YARS1: variants seen among roughly 807,000 people sequenced by gnomAD.
YARS1 encodes tyrosine--tRNA ligase, cytoplasmic.
In YARS1, 36 loss-of-function variants were observed where a neutral mutation model predicts 62.2. The observed-to-expected ratio is 0.58, with a 90% CI of 0.44 to 0.76. The LOEUF (loss-of-function observed/expected upper bound fraction) is 0.76, where lower values mean the gene tolerates loss of function less well. YARS1 is among the 30% of genes least tolerant of loss of function. The pLI is 0.00. For missense variants in YARS1, 524 were observed against 639.8 expected, an observed-to-expected ratio of 0.82 and a Z score of 1.95; for synonymous variants, 234 against 244.9, an observed-to-expected ratio of 0.96 and a Z score of 0.42.
In YARS1 at chr1:32,797,662, C is replaced by T; in HGVS notation, c.591+101G>A. 3 of 1,020,818 alleles carry T rather than the reference C, an allele frequency of 2.9e-6. No homozygotes were observed. The South Asian group carries it at 3.8e-5, about 13-fold the overall frequency. The allele number at this position is 1,020,818 out of a possible 1,614,324, so 63.2% of individuals were successfully genotyped here. On this transcript the variant is annotated intron_variant, in intron 5 of 12. Coordinates refer to ENST00000373477, the MANE Select transcript of YARS1 (RefSeq NM_003680.4). Reference sequence around the variant, plus strand: ...ATCTGCAAAACAAGGAGAATATTTACCATACACTATGACTAGTGGGACTGA... The same window carrying T: ...ATCTGCAAAACAAGGAGAATATTTATCATACACTATGACTAGTGGGACTGA...
intron 1 of YARS1, chr1:32,811,324 A>C: frequency 4.0e-6 from 2 of 502,418 alleles, no homozygotes; most frequent in Non-Finnish European, 3.6e-6. Context: ...CCCCTTCCTC[A>C]AGGACTTAAC....
At chr1:32,787,222 TG>T in intron 6 of YARS1, 147 bp from the exon 7 acceptor site, 2 of 935,746 alleles carry the variant, frequency 2.1e-6, no homozygotes, top group Non-Finnish European at 3.2e-6. Flanking sequence ...CTCAGCCTCC[TG>T]GGCTCAAGAG....
Position 32,775,987 on chromosome 1 carries a change from A to G in YARS1, c.1581T>C (p.Ile527=). 1 of 1,613,622 alleles carries G rather than the reference A, an allele frequency of 6.2e-7. No individual in the cohort carries two copies. The highest frequency in any genetic ancestry group is 1.3e-5 in the African/African-American group (1 of 75,030). The part of the protein sequence containing the change: ...ISCKSLKGGN[I]S ...GGGGAAGATGCTGGGCTGGCTAGCT[A>G]ATGTTCCCCCCTTTCAGCGATTTAC... Residue 527 remains isoleucine (I), a synonymous_variant, in exon 13 of 13, where the codon ATT becomes ATC. Transcript: ENST00000373477.
chr1:32,776,215 T>C lies in YARS1; in HGVS notation c.1477-124A>G. On this transcript the variant is annotated intron_variant, in intron 12 of 12. Transcript: ENST00000373477. This position sits in a 1 kb window ranked among gnomAD's most constrained non-coding sequence, Gnocchi z 4.0. Reference sequence around the variant, plus strand: ...CAGGCTGGAGTGCAATGGCGTGATCTTGGCTCACCGCAACCTCTGCCTCCC... The same window carrying C: ...CAGGCTGGAGTGCAATGGCGTGATCCTGGCTCACCGCAACCTCTGCCTCCC... The C allele has an allele frequency of 1.2e-6, 1 of 814,920 alleles. No individual in the cohort carries two copies. Among genetic ancestry groups the C allele is most frequent in the South Asian group, 1.5e-5 (1 of 68,940 alleles). 50.5% of individuals were successfully genotyped at this position (814,920 alleles called of 1,614,324 possible). A position where few individuals can be genotyped will look rare whatever the true frequency, so the allele number is the denominator to read the frequency against.
chr1:32,785,534 G>T (rs755324650), intron 8 of YARS1, among the ~76,000 whole-genome samples: 11 of 151,614 alleles, frequency 7.3e-5, no homozygotes, highest in Non-Finnish European at 1.6e-4. Context: ...AAGATGGAGA[G>T]GTCTGGCAGA....
chr1:32,791,439 T>G (rs956286808), intron 5 of YARS1, among the ~76,000 whole-genome samples, 185 bp from the exon 6 acceptor site: 1 of 152,182 alleles, frequency 6.6e-6, no homozygotes, highest in African/African-American at 2.4e-5. Context: ...TGCTTTTCTA[T>G]CAGTATTACA....
At chr1:32,791,308 G>A in intron 5 of YARS1, 54 bp from the exon 6 acceptor site, 1 of 1,444,134 alleles carries the variant, frequency 6.9e-7, no homozygotes, top group Non-Finnish European at 9.8e-7. Flanking sequence ...TTCCTCCTCA[G>A]TGCCCTGATC....
At chr1:32,788,819 A>G (rs1263449031) in intron 6 of YARS1, among the ~76,000 whole-genome samples, 1 of 152,104 alleles carries the variant, frequency 6.6e-6, no homozygotes, top group African/African-American at 2.4e-5. Flanking sequence ...CTCCTGCCTC[A>G]GCTTCCCAAA....
chr1:32,810,544 G>C, intron 3 of YARS1, 47 bp downstream of exon 3: 1 of 1,610,560 alleles, frequency 6.2e-7, no homozygotes, highest in Non-Finnish European at 8.5e-7. Context: ...CCTGTAATTA[G>C]CTAGAAGCAC....
intron 1 of YARS1, 103 bp from the exon 2 acceptor site, chr1:32,811,160 G>T: frequency 6.4e-7 from 1 of 1,559,006 alleles, no homozygotes; most frequent in Admixed American, 1.7e-5. Flanking sequence ...GGAGATCCAG[G>T]CTCAGAGCCA....
chr1:32,779,909 C>T (rs1415855230), intron 11 of YARS1, 176 bp downstream of exon 11: 2 of 728,608 alleles, frequency 2.7e-6, no homozygotes, highest in African/African-American at 1.7e-5. Context: ...AGGTAAAATG[C>T]TTCATTAACA....
rs762551221 is a variant in YARS1 at position 32,806,578 on chromosome 1, G to A, written c.414C>T (p.Ser138=). 43 of 1,614,140 alleles carry A rather than the reference G, an allele frequency of 2.7e-5. No homozygotes were observed. Among genetic ancestry groups the A allele is most frequent in the Middle Eastern group, 1.7e-4 (1 of 6,054 alleles). ...EYTLDVYRLS[S]VVTQHDSKKA... ...TCTTGGAATCGTGCTGTGTGACCAC[G>A]GAGGAGAGTCTGTACACATCTAGTG... is the stretch of plus-strand genomic sequence containing the variant. Residue 138 remains serine (S), a synonymous_variant, in exon 4 of 13, where the codon TCC becomes TCT. Transcript: ENST00000373477.
intron 3 of YARS1, among the ~76,000 whole-genome samples, chr1:32,810,164 T>G (rs976958308): frequency 6.6e-6 from 1 of 151,282 alleles, no homozygotes; most frequent in African/African-American, 2.4e-5. Context: ...ATGCTAACAT[T>G]CCAAATATGA....
At chr1:32,784,765 T>G (rs189506532) in intron 8 of YARS1, among the ~76,000 whole-genome samples, 66 of 152,272 alleles carry the variant, frequency 4.3e-4, no homozygotes, top group Middle Eastern at 3.4e-3. Context: ...AAAACACATA[T>G]AGATATATAT....
At chr1:32,786,294 T>C (rs765174623) in intron 8 of YARS1, 68 bp downstream of exon 8, 68 of 1,502,052 alleles carry the variant, frequency 4.5e-5, no homozygotes, top group Non-Finnish European at 5.7e-5. Context: ...CTAAACAAGT[T>C]CTAACAGTCA....
At chr1:32,812,015 G>A (rs1638596249) in intron 1 of YARS1, among the ~76,000 whole-genome samples, 1 of 152,146 alleles carries the variant, frequency 6.6e-6, no homozygotes, top group Non-Finnish European at 1.5e-5. Flanking sequence ...TCTCCCTTTG[G>A]AGTATATTTA....
In YARS1 at chr1:32,788,483, T is replaced by G. The variant is rs1007164551; in HGVS notation, c.685-1408A>C. Reference sequence around the variant, plus strand: ...TTTGCTTTTGTTGCCCAGGCTGGAGTACAATGGCATGATCTCGACTCACCT... The same window carrying G: ...TTTGCTTTTGTTGCCCAGGCTGGAGGACAATGGCATGATCTCGACTCACCT... On this transcript the variant is annotated intron_variant, in intron 6 of 12. Coordinates refer to ENST00000373477, the MANE Select transcript of YARS1 (RefSeq NM_003680.4). 7.9e-5 allele frequency among the ~76,000 whole-genome samples: 12 copies of G among 151,974 alleles called. 1 individual carries two copies. Among genetic ancestry groups the G allele is most frequent in the Admixed American group, 3.9e-4 (6 of 15,224 alleles).
In YARS1 at chr1:32,786,992, C is replaced by T; in HGVS notation, c.768G>A (p.Glu256=). Residue 256 remains glutamate, a synonymous_variant, in exon 7 of 13, where the codon GAG becomes GAA. Transcript: ENST00000373477. The part of the protein sequence containing the change: ...KKAFCEPGNV[E]NNGVLSFIKH... ...TGATGAAGGACAGAACCCCATTGTT[C>T]TCCACATTTCCTGGCTCACAGAAGG... 1 of 1,614,160 alleles carries T rather than the reference C, an allele frequency of 6.2e-7. No individual in the cohort carries two copies. Among genetic ancestry groups the T allele is most frequent in the Non-Finnish European group, 8.5e-7 (1 of 1,180,028 alleles).
At position 32,801,932 on chromosome 1, in the gene YARS1, CTT is replaced by C. The variant is rs561239099; in HGVS notation, c.511-4091_511-4090del. Reference sequence around the variant, plus strand: ...AGGCTCCACTCCTAATTGTAGTTCTCTTGTTATTTCTTTTTTTTTTTTTTTTT... The same window carrying C: ...AGGCTCCACTCCTAATTGTAGTTCTCGTTATTTCTTTTTTTTTTTTTTTTT... On this transcript the variant is annotated intron_variant, in intron 4 of 12. Transcript: ENST00000373477. Among the ~76,000 whole-genome samples the C allele has an allele frequency of 1.6e-4, 23 of 144,974 alleles. No homozygotes were observed. The East Asian group carries it at 3.6e-3, about 23-fold the overall frequency.
Sources: gnomAD v4.1 joint callset for allele counts (sites outside exome capture counted in the v4.1 genomes callset) on GRCh38, gnomAD v4.1.1 for gene constraint, Gnocchi (gnomAD v3.1) non-coding constraint, MANE v1.5 for transcripts, NCBI Gene and HGNC (gene_info 2026-07-23, HGNC 2026-07-21) for gene names.